The following CAMKMT variants were observed in gnomAD, a reference collection of about 807,000 sequenced individuals.
CAMKMT encodes the protein calmodulin-lysine N-methyltransferase, also known as CaM KMT.
Under a neutral mutation model 48.0 loss-of-function variants are expected in CAMKMT, and 53 were observed. The ratio of observed to expected loss-of-function variants is 1.10; its 90% CI spans 0.89 to 1.39. CAMKMT has a LOEUF of 1.39. Among genes scored for constraint, CAMKMT ranks in the 40% most tolerant of loss-of-function variants. The pLI is 0.00. For synonymous variants in CAMKMT, 165 were observed against 152.3 expected (o/e 1.08, Z -0.61); for missense variants, 428 against 402.7 (o/e 1.06, Z -0.54).
chr2:44,704,451 T>A, intron 4 of CAMKMT, 108 bp downstream of exon 4: 1 of 743,194 alleles, frequency 1.3e-6, no homozygotes, highest in Admixed American at 3.4e-5. Flanking sequence ...GAAAAAAATA[T>A]AAGAAAAGAA....
chr2:44,370,268 A>G (rs1572649161), intron 1 of CAMKMT, among the ~76,000 whole-genome samples: 1 of 152,220 alleles, frequency 6.6e-6, no homozygotes, highest in East Asian at 1.9e-4. Flanking sequence ...TCTTACTCAG[A>G]CATGTAATGT....
chr2:44,725,143 CGTGTGTGTGT>C lies in CAMKMT; in HGVS notation c.623+9819_623+9828del, dbSNP rs4039394. Among the ~76,000 whole-genome samples, 1,165 of 140,644 alleles carry C rather than the reference CGTGTGTGTGT, an allele frequency of 8.3e-3. 18 individuals carry two copies. The highest frequency in any genetic ancestry group is 0.027 in the African/African-American group (1,000 of 37,496). 92.3% of individuals were successfully genotyped at this position (140,644 alleles called of 152,430 possible). The stretch of plus-strand genomic sequence containing the variant: ...TTACAGCATTGTCTTGCTTTCTGGA[CGTGTGTGTGT>C]GTGTGTGTGTGTGTGTGTGTGTGTG... On this transcript the variant is annotated intron_variant, in intron 7 of 10. Coordinates refer to ENST00000378494, the MANE Select transcript of CAMKMT (RefSeq NM_024766.5).
At chr2:44,629,011 G>A (rs1321744662) in intron 3 of CAMKMT, among the ~76,000 whole-genome samples, 1 of 152,040 alleles carries the variant, frequency 6.6e-6, no homozygotes, top group African/African-American at 2.4e-5. Context: ...GTCCTGTTTT[G>A]TAAATATCAG....
intron 3 of CAMKMT, among the ~76,000 whole-genome samples, chr2:44,529,323 T>A (rs1359913903): frequency 1.3e-5 from 2 of 152,210 alleles, no homozygotes; most frequent in Non-Finnish European, 2.9e-5. Context: ...ATTGTATCAC[T>A]TAAAGGTGGT....
At chr2:44,395,397 G>A (rs999662102) in intron 3 of CAMKMT, among the ~76,000 whole-genome samples, 1 of 152,016 alleles carries the variant, frequency 6.6e-6, no homozygotes, top group Non-Finnish European at 1.5e-5. Context: ...TGTAGTGTAT[G>A]TGTATACATA....
At chr2:44,629,202 T>A (rs900168476) in intron 3 of CAMKMT, among the ~76,000 whole-genome samples, 2 of 152,158 alleles carry the variant, frequency 1.3e-5, no homozygotes, top group Non-Finnish European at 2.9e-5. Flanking sequence ...AAGCTCATAT[T>A]TGTTGCGTAC....
chr2:44,677,897 A>G (rs1417625982), intron 3 of CAMKMT, among the ~76,000 whole-genome samples: 1 of 152,086 alleles, frequency 6.6e-6, no homozygotes, highest in Non-Finnish European at 1.5e-5. Flanking sequence ...GTGTATGTGT[A>G]TTTCACAGCT....
At chr2:44,604,543 A>G (rs1327100953) in intron 3 of CAMKMT, among the ~76,000 whole-genome samples, 2 of 146,938 alleles carry the variant, frequency 1.4e-5, no homozygotes, top group Non-Finnish European at 3.0e-5. Flanking sequence ...AAGCAAACCT[A>G]TGAAAGCCAA....
intron 3 of CAMKMT, among the ~76,000 whole-genome samples, chr2:44,397,469 C>G (rs897127852): frequency 1.3e-5 from 2 of 152,154 alleles, no homozygotes; most frequent in Admixed American, 6.5e-5. Flanking sequence ...GTCTTTGATT[C>G]TTAGTCTGTG....
At chr2:44,399,348 G>T (rs1682145343) in intron 3 of CAMKMT, among the ~76,000 whole-genome samples, 1 of 152,100 alleles carries the variant, frequency 6.6e-6, no homozygotes, top group African/African-American at 2.4e-5. Context: ...ATTTAGTGGG[G>T]ATTGACTGCA....
intron 3 of CAMKMT, among the ~76,000 whole-genome samples, chr2:44,494,403 CT>C (rs993707310): frequency 1.5e-4 from 23 of 152,222 alleles, no homozygotes; most frequent in East Asian, 7.7e-4. Context: ...GACCACCTCA[CT>C]TTTTTTCCCC....
Position 44,398,385 on chromosome 2 carries a change from G to C in CAMKMT, c.376+8080G>C, listed in dbSNP as rs577053377. ...TCTGTGCAGCAGATTGTGTCTCAGA[G>C]GAGACTGATTAAAGGTCAAGAAAAA... On this transcript the variant is annotated intron_variant, in intron 3 of 10. Coordinates refer to ENST00000378494, the MANE Select transcript of CAMKMT (RefSeq NM_024766.5). 3.2e-4 allele frequency among the ~76,000 whole-genome samples: 49 copies of C among 152,260 alleles called. No homozygotes were observed. In the South Asian group the frequency reaches 0.01, roughly 32 times the overall value.
At chr2:44,523,067 T>G (rs1258247679) in intron 3 of CAMKMT, among the ~76,000 whole-genome samples, 1 of 152,190 alleles carries the variant, frequency 6.6e-6, no homozygotes, top group Non-Finnish European at 1.5e-5. Context: ...TAATGCCATG[T>G]GTTTTAGATT....
chr2:44,769,659 T>A (rs898097879), intron 10 of CAMKMT, among the ~76,000 whole-genome samples: 11 of 152,308 alleles, frequency 7.2e-5, no homozygotes, highest in African/African-American at 1.7e-4. Flanking sequence ...GTTTTTTTTT[T>A]ATAAACTTTC....
At chr2:44,573,027 GT>G (rs1037479871) in intron 3 of CAMKMT, among the ~76,000 whole-genome samples, 3 of 151,196 alleles carry the variant, frequency 2.0e-5, no homozygotes, top group African/African-American at 7.3e-5. Flanking sequence ...ATCTTTTCGT[GT>G]GCTGCTATTA....
intron 3 of CAMKMT, among the ~76,000 whole-genome samples, chr2:44,601,143 A>G (rs1162965706): frequency 6.6e-6 from 1 of 152,146 alleles, no homozygotes; most frequent in Non-Finnish European, 1.5e-5. Flanking sequence ...TTTACTTAAT[A>G]TATATAAAGG....
chr2:44,580,444 G>A (rs1411759693), intron 3 of CAMKMT, among the ~76,000 whole-genome samples: 2 of 152,042 alleles, frequency 1.3e-5, no homozygotes, highest in African/African-American at 4.8e-5. Flanking sequence ...ATGGTCACAG[G>A]ACTGAATTTA....
chr2:44,426,093 G>A (rs1464029533), intron 3 of CAMKMT, among the ~76,000 whole-genome samples: 14 of 152,186 alleles, frequency 9.2e-5, no homozygotes. Context: ...AAAATACCAT[G>A]AGAATCATTT....
intron 7 of CAMKMT, among the ~76,000 whole-genome samples, chr2:44,733,092 A>G (rs1014344943): frequency 6.6e-6 from 1 of 152,156 alleles, no homozygotes; most frequent in African/African-American, 2.4e-5. Context: ...TTTTGCATCA[A>G]TATTTGCATA....
Sources: gnomAD v4.1 joint callset for allele counts (sites outside exome capture counted in the v4.1 genomes callset) on GRCh38, gnomAD v4.1.1 for gene constraint, MANE v1.5 for transcripts, NCBI Gene and HGNC (gene_info 2026-07-23, HGNC 2026-07-21) for gene names.